CNTN5: variants seen among roughly 807,000 people sequenced by gnomAD.
The protein encoded by CNTN5 is contactin 5.
Under a neutral mutation model 129.1 loss-of-function variants are expected in CNTN5, and 77 were observed. That is an observed-to-expected ratio of 0.60 (90% CI 0.50 to 0.72). CNTN5 has a LOEUF of 0.72. Among genes scored for constraint, CNTN5 ranks in the 30% least tolerant of loss-of-function variants. The pLI, the probability that CNTN5 is intolerant of heterozygous loss-of-function variation, is 0.00. For missense variants in CNTN5, 1,478 were observed against 1,328.8 expected (o/e 1.11, Z -1.75); for synonymous variants, 509 against 465.6 (o/e 1.09, Z -1.20).
At chr11:99,874,217 A>G (rs1397545827) in intron 6 of CNTN5, among the ~76,000 whole-genome samples, 1 of 152,204 alleles carries the variant, frequency 6.6e-6, no homozygotes, top group Non-Finnish European at 1.5e-5. Context: ...AAAATAAAAA[A>G]GATATGTCTG....
At chr11:100,334,514 A>G (rs1168316519) in intron 21 of CNTN5, among the ~76,000 whole-genome samples, 1 of 152,174 alleles carries the variant, frequency 6.6e-6, no homozygotes, top group African/African-American at 2.4e-5. Flanking sequence ...GATTGCAAAA[A>G]TATGGAACGA....
intron 8 of CNTN5, among the ~76,000 whole-genome samples, chr11:99,991,239 AG>A (rs1939075112): frequency 6.6e-6 from 1 of 152,164 alleles, no homozygotes; most frequent in Non-Finnish European, 1.5e-5. Context: ...AGGCCAAGGC[AG>A]GTGGATCACA....
At chr11:99,149,602 G>A (rs983944908) in intron 1 of CNTN5, among the ~76,000 whole-genome samples, 1 of 151,900 alleles carries the variant, frequency 6.6e-6, no homozygotes, top group Non-Finnish European at 1.5e-5. Context: ...CAACAGCTTA[G>A]CAACTTCTAA....
chr11:99,675,276 G>C (rs11603513), intron 3 of CNTN5, among the ~76,000 whole-genome samples: 7,067 of 152,154 alleles, frequency 0.046, 200 homozygotes, highest in East Asian at 0.1. Context: ...TACTGGGTGA[G>C]GGAATGGATT....
intron 1 of CNTN5, among the ~76,000 whole-genome samples, chr11:99,310,877 G>A (rs1463630659): frequency 2.0e-5 from 3 of 152,082 alleles, no homozygotes; most frequent in African/African-American, 7.2e-5. Flanking sequence ...CTATTAAGAT[G>A]AGCATATACC....
chr11:99,824,255 G>GGT (rs1212486623), intron 4 of CNTN5, among the ~76,000 whole-genome samples: 3 of 151,840 alleles, frequency 2.0e-5, no homozygotes, highest in Non-Finnish European at 2.9e-5. Flanking sequence ...TTATTGTATA[G>GGT]GTGTTCGTAT....
At chr11:99,093,739 T>C (rs952677578) in intron 1 of CNTN5, among the ~76,000 whole-genome samples, 3 of 152,034 alleles carry the variant, frequency 2.0e-5, no homozygotes, top group African/African-American at 4.8e-5. Context: ...ACATTTCGTC[T>C]GGCATAATAT....
At chr11:99,749,136 A>G (rs1480767022) in intron 3 of CNTN5, among the ~76,000 whole-genome samples, 5 of 152,288 alleles carry the variant, frequency 3.3e-5, no homozygotes, top group Admixed American at 6.5e-5. Context: ...AGATAGTGAT[A>G]CTTTGGCTTA....
intron 1 of CNTN5, among the ~76,000 whole-genome samples, chr11:99,160,191 A>G (rs1341671452): frequency 2.0e-5 from 3 of 152,226 alleles, no homozygotes; most frequent in Admixed American, 6.5e-5. Flanking sequence ...AGCTTAAGAA[A>G]TAAAAATGAT....
chr11:99,277,683 G>A (rs1035420823), intron 1 of CNTN5, among the ~76,000 whole-genome samples: 2 of 151,550 alleles, frequency 1.3e-5, no homozygotes, highest in Non-Finnish European at 1.5e-5. Flanking sequence ...AGTCAAAGAG[G>A]AAATCCTGTT....
intron 3 of CNTN5, among the ~76,000 whole-genome samples, chr11:99,799,866 C>T (rs1946060904): frequency 2.0e-5 from 3 of 151,946 alleles, no homozygotes; most frequent in African/African-American, 4.8e-5. Flanking sequence ...GCTGTGAATC[C>T]ATCTGCTCTG....
intron 1 of CNTN5, among the ~76,000 whole-genome samples, chr11:99,293,576 T>C (rs1361415554): frequency 1.3e-5 from 2 of 152,160 alleles, no homozygotes; most frequent in Non-Finnish European, 2.9e-5. Flanking sequence ...GGAGAACTTT[T>C]ATTACTACTT....
intron 18 of CNTN5, among the ~76,000 whole-genome samples, chr11:100,272,186 T>C (rs910640406): frequency 6.6e-6 from 1 of 152,176 alleles, no homozygotes; most frequent in Non-Finnish European, 1.5e-5. Flanking sequence ...TGAAGGTTTG[T>C]CATATATGTT....
intron 1 of CNTN5, among the ~76,000 whole-genome samples, chr11:99,023,220 T>A (rs558340662): frequency 6.6e-6 from 1 of 152,350 alleles, no homozygotes; most frequent in East Asian, 1.9e-4. Context: ...AGAATATGTT[T>A]ATGTAAGATG....
intron 6 of CNTN5, among the ~76,000 whole-genome samples, chr11:99,905,062 A>T (rs545033887): frequency 1.3e-5 from 2 of 152,220 alleles, no homozygotes; most frequent in Admixed American, 6.5e-5. Context: ...AGACAGATAG[A>T]TTGCAAAAAT....
chr11:99,927,025 G>C (rs539994016), intron 7 of CNTN5, among the ~76,000 whole-genome samples: 140 of 152,280 alleles, frequency 9.2e-4, no homozygotes, highest in African/African-American at 3.2e-3. Flanking sequence ...AATTTTAAAA[G>C]TAATCAATTA....
In CNTN5 at chr11:99,314,956, G is replaced by T. The variant is rs1052661299; in HGVS notation, c.-209-10390G>T. Among the ~76,000 whole-genome samples, 5 of 148,580 alleles carry T rather than the reference G, an allele frequency of 3.4e-5. 1 individual carries two copies. The highest frequency in any genetic ancestry group is 9.8e-5 in the African/African-American group (4 of 40,858). Reference sequence around the variant, plus strand: ...ATTCTTATTCAGTAGCTCTGTGGGTGGGGGGACGGGGTGTTGACATTCTGT... The same window carrying T: ...ATTCTTATTCAGTAGCTCTGTGGGTTGGGGGACGGGGTGTTGACATTCTGT... On this transcript the variant is annotated intron_variant, in intron 1 of 24. Transcript: ENST00000524871.
intron 2 of CNTN5, among the ~76,000 whole-genome samples, chr11:99,499,604 G>A (rs2135378374): frequency 6.6e-6 from 1 of 152,204 alleles, no homozygotes; most frequent in East Asian, 1.9e-4. Flanking sequence ...AGAACAAATG[G>A]ACTAAGACAC....
chr11:99,884,836 G>A (rs569394301), intron 6 of CNTN5, among the ~76,000 whole-genome samples: 23 of 152,248 alleles, frequency 1.5e-4, no homozygotes, highest in Admixed American at 9.2e-4. Flanking sequence ...AATTAGCTGG[G>A]TGTGATGGCA....
Sources: gnomAD v4.1 joint callset for allele counts (sites outside exome capture counted in the v4.1 genomes callset) on GRCh38, gnomAD v4.1.1 for gene constraint, MANE v1.5 for transcripts, NCBI Gene and HGNC (gene_info 2026-07-23, HGNC 2026-07-21) for gene names.